The following UBAC1 variants were observed in gnomAD, a reference collection of about 807,000 sequenced individuals.
The protein encoded by UBAC1 is UBA domain containing 1, also known as ubiquitin-associated domain-containing protein 1.
UBAC1 carries 27 observed loss-of-function variants against 45.9 expected under a neutral mutation model. The observed-to-expected ratio is 0.59, with a 90% CI of 0.43 to 0.81. The LOEUF is 0.81. Among genes scored for constraint, UBAC1 ranks in the 30% least tolerant of loss-of-function variants. The pLI is 0.00. For synonymous variants in UBAC1, 227 were observed against 215.5 expected (o/e 1.05, Z -0.47); for missense variants, 529 against 539.2 (o/e 0.98, Z 0.19).
chr9:135,940,210 G>A (rs1293061978), intron 7 of UBAC1, among the ~76,000 whole-genome samples: 2 of 152,056 alleles, frequency 1.3e-5, no homozygotes, highest in African/African-American at 4.8e-5. Context: ...ACGTCAGTAA[G>A]TGCAATCTCA....
At position 135,955,400 on chromosome 9, in the gene UBAC1, A is replaced by C; in HGVS notation, c.154T>G (p.Leu52Val). 6.4e-7 allele frequency: 1 copy of C among 1,568,568 alleles called. No individual in the cohort carries two copies. Among genetic ancestry groups the C allele is most frequent in the Non-Finnish European group, 8.6e-7 (1 of 1,164,908 alleles). ...TGGGTTATACTTTTGGGATCTTCTA[A>C]GCTCCCATGAGCACACTGGGGAAAA... Reference protein sequence around the residue: ...RCLKHCAHGSLEDPKSITHHK... With the variant: ...RCLKHCAHGSVEDPKSITHHK... The change falls in exon 2 of 10, where the codon TTA (leucine) becomes GTA (valine). Residue 52 changes from leucine (L) to valine (V), a missense_variant. Leu to Val is a conservative substitution (Grantham distance 32, BLOSUM62 1). Coordinates refer to ENST00000371756, the MANE Select transcript of UBAC1 (RefSeq NM_016172.3).
chr9:135,961,319 G>A lies in UBAC1; in HGVS notation c.-157C>T, dbSNP rs1288794186. 4 of 478,706 alleles carry A rather than the reference G, an allele frequency of 8.4e-6. No individual in the cohort carries two copies. The highest frequency in any genetic ancestry group is 8.3e-6 in the Non-Finnish European group (3 of 362,586). 29.7% of individuals were successfully genotyped at this position (478,706 alleles called of 1,614,324 possible). A position where few individuals can be genotyped will look rare whatever the true frequency, so the allele number is the denominator to read the frequency against. On this transcript the variant is annotated 5_prime_UTR_variant, in exon 1 of 10. Coordinates refer to ENST00000371756, the MANE Select transcript of UBAC1 (RefSeq NM_016172.3). Reference sequence around the variant, plus strand: ...GTCGGCCGGGCCGCCGTCACTCTCCGCGGCCTCAGCGGTCGCCTCGCTCCC... The same window carrying A: ...GTCGGCCGGGCCGCCGTCACTCTCCACGGCCTCAGCGGTCGCCTCGCTCCC...
Position 135,938,205 on chromosome 9 carries a change from A to G in UBAC1, c.1102+17T>C, listed in dbSNP as rs1390078435. On this transcript the variant is annotated intron_variant, in intron 9 of 9. Coordinates refer to ENST00000371756, the MANE Select transcript of UBAC1 (RefSeq NM_016172.3). ...GCCTCCCCGACCCGAGACTTAGCAT[A>G]AAGAAGGCGCACATACCTAGCAATG... The G allele has an allele frequency of 6.2e-7, 1 of 1,612,338 alleles. No individual in the cohort carries two copies. Among genetic ancestry groups the G allele is most frequent in the East Asian group, 2.2e-5 (1 of 44,856 alleles).
chr9:135,955,888 G>A (rs912332275), intron 1 of UBAC1, among the ~76,000 whole-genome samples: 7 of 152,162 alleles, frequency 4.6e-5, no homozygotes, highest in African/African-American at 7.2e-5. Context: ...TAAGAGGAGC[G>A]CTCGGCATGA....
intron 7 of UBAC1, among the ~76,000 whole-genome samples, chr9:135,940,001 T>A (rs937285305): frequency 6.6e-6 from 1 of 152,210 alleles, no homozygotes; most frequent in Non-Finnish European, 1.5e-5. Context: ...GCAGTGCAGC[T>A]CCCAGGCTTG....
At chr9:135,954,996 C>A (rs976461189) in intron 2 of UBAC1, among the ~76,000 whole-genome samples, 1 of 152,232 alleles carries the variant, frequency 6.6e-6, no homozygotes, top group Non-Finnish European at 1.5e-5. Flanking sequence ...AAGGTGAAAC[C>A]TGCAGAACCC....
intron 2 of UBAC1, chr9:135,953,956 C>A: frequency 3.3e-6 from 1 of 306,932 alleles, no homozygotes; most frequent in East Asian, 6.2e-5. Flanking sequence ...CTGGCCAACA[C>A]GGTGAAACCC....
rs201066242 is a variant in UBAC1, at chr9:135,947,773, G to C, written c.441+25C>G. 13 of 1,593,828 alleles carry C rather than the reference G, an allele frequency of 8.2e-6. No individual in the cohort carries two copies. The South Asian group carries it at 1.5e-4, about 18-fold the overall frequency. ...CCCCACACGGGGACCCCATGCACCC[G>C]CCGCCGCTCTGGGCTGACACTCACG... On this transcript the variant is annotated intron_variant, in intron 4 of 9. Transcript: ENST00000371756.
At chr9:135,944,168 C>T (rs965104666) in intron 7 of UBAC1, among the ~76,000 whole-genome samples, 2 of 152,198 alleles carry the variant, frequency 1.3e-5, no homozygotes, top group Non-Finnish European at 2.9e-5. Flanking sequence ...CATTTGTCTC[C>T]ACGGAACCCT....
chr9:135,938,586 G>A (rs11103234), intron 8 of UBAC1, among the ~76,000 whole-genome samples: 29,633 of 152,274 alleles, frequency 0.19, 3,527 homozygotes, highest in Non-Finnish European at 0.28. Flanking sequence ...GCTTTTCTCT[G>A]CAGACCCTGG....
At chr9:135,947,621 T>C (rs927429617) in intron 4 of UBAC1, 177 bp downstream of exon 4, 6 of 487,132 alleles carry the variant, frequency 1.2e-5, no homozygotes, top group Non-Finnish European at 2.1e-5. Context: ...TACTTGGAAA[T>C]AATTTTTGAT....
chr9:135,944,389 C>A (rs186041703), intron 7 of UBAC1, among the ~76,000 whole-genome samples: 47 of 152,332 alleles, frequency 3.1e-4, no homozygotes, highest in African/African-American at 1.1e-3. Context: ...CAGTGCCACA[C>A]GAGACGACAG....
Position 135,949,034 on chromosome 9 carries a change from G to T in UBAC1, c.334-1129C>A, listed in dbSNP as rs368772191. Among the ~76,000 whole-genome samples the T allele has an allele frequency of 4.3e-4, 65 of 151,678 alleles. 2 individuals carry two copies. In the East Asian group the frequency reaches 0.012, roughly 27 times the overall value. On this transcript the variant is annotated intron_variant, in intron 3 of 9. Transcript: ENST00000371756. ...GATCACACCACCGCACTCAAGCCTG[G>T]GTGAGTGACAGTGAGACACCATCTC... is the stretch of plus-strand genomic sequence containing the variant.
In UBAC1 at chr9:135,957,508, G is replaced by A. The variant is rs544164192; in HGVS notation, c.139-2093C>T. Among the ~76,000 whole-genome samples the A allele has an allele frequency of 7.2e-5, 11 of 152,254 alleles. No homozygotes were observed. In the South Asian group the frequency reaches 8.3e-4, roughly 12 times the overall value. On this transcript the variant is annotated intron_variant, in intron 1 of 9. Coordinates refer to ENST00000371756, the MANE Select transcript of UBAC1 (RefSeq NM_016172.3). ...ACAACACGGAAGCACTAGGACGACC[G>A]TGTCACTCTGCTTCTTTGTTCTCGG...
chr9:135,955,159 T>A, intron 2 of UBAC1, 136 bp downstream of exon 2: 1 of 917,734 alleles, frequency 1.1e-6, no homozygotes, highest in African/African-American at 1.7e-5. Flanking sequence ...ACAGAATGCT[T>A]TTAGTCGATC....
intron 5 of UBAC1, 85 bp from the exon 6 acceptor site, chr9:135,946,082 G>T: frequency 2.2e-6 from 3 of 1,347,330 alleles, no homozygotes; most frequent in South Asian, 1.2e-5. Flanking sequence ...GCAATTATCT[G>T]TCTGAGCTCC....
At chr9:135,935,895 G>A (rs750715582) in intron 9 of UBAC1, among the ~76,000 whole-genome samples, 15 of 151,982 alleles carry the variant, frequency 9.9e-5, no homozygotes, top group East Asian at 5.8e-4. Context: ...GCACGGTGGC[G>A]GGCACCTGTA....
chr9:135,945,849 A>C (rs1438051646), intron 6 of UBAC1, 40 bp downstream of exon 6: 1 of 1,564,058 alleles, frequency 6.4e-7, no homozygotes, highest in Non-Finnish European at 8.8e-7. Flanking sequence ...ACCAGGCCCC[A>C]GGTGTCTCCG....
Position 135,939,736 on chromosome 9 carries a change from C to A in UBAC1, c.900G>T (p.Met300Ile), listed in dbSNP as rs1839246536. 1.2e-6 allele frequency: 2 copies of A among 1,613,876 alleles called. No homozygotes were observed. Among genetic ancestry groups the A allele is most frequent in the Admixed American group, 1.7e-5 (1 of 60,004 alleles). The part of the protein sequence containing the change: ...DARAVISLME[M>I]GFDEKEVIDA... The stretch of plus-strand genomic sequence containing the variant: ...CTATCACCTCTTTCTCGTCGAACCC[C>A]ATCTCCATCAGGGAAATGACGGCCT... The change falls in exon 8 of 10, where the codon ATG becomes ATT. Residue 300 changes from methionine to isoleucine, a missense_variant. Met to Ile is a conservative substitution (Grantham distance 10, BLOSUM62 1). Coordinates refer to ENST00000371756, the MANE Select transcript of UBAC1 (RefSeq NM_016172.3).
Sources: allele counts gnomAD v4.1 joint callset (sites outside exome capture counted in the v4.1 genomes callset), GRCh38; gene constraint gnomAD v4.1.1; transcripts MANE v1.5; gene names NCBI Gene and HGNC (gene_info 2026-07-23, HGNC 2026-07-21).